The following ARHGEF3 variants were observed in gnomAD, a reference collection of about 807,000 sequenced individuals.
The protein encoded by ARHGEF3 is Rho guanine nucleotide exchange factor 3.
In ARHGEF3, 28 loss-of-function variants were observed where a neutral mutation model predicts 63.2. The observed-to-expected ratio is 0.44, with a 90% CI of 0.33 to 0.61. ARHGEF3 has a LOEUF of 0.61. ARHGEF3 is among the 20% of genes least tolerant of loss of function. The probability of loss-of-function intolerance (pLI) is 0.03; values close to 1 mark genes in which losing one functional copy is unlikely to be tolerated. For synonymous variants in ARHGEF3, 266 were observed against 254.2 expected (o/e 1.05, Z -0.44); for missense variants, 533 against 659.3 (o/e 0.81, Z 2.10).
At chr3:56,973,109 C>T (rs1306757062) in intron 2 of ARHGEF3, among the ~76,000 whole-genome samples, 3 of 151,788 alleles carry the variant, frequency 2.0e-5, no homozygotes, top group African/African-American at 4.8e-5. Flanking sequence ...CTCCGCCTCC[C>T]GGGTTCACAC....
Position 56,745,184 on chromosome 3 carries a change from GA to G in ARHGEF3, c.870+20del. The G allele has an allele frequency of 1.9e-6, 3 of 1,606,386 alleles. No homozygotes were observed. The highest frequency in any genetic ancestry group is 2.6e-6 in the Non-Finnish European group (3 of 1,175,152). ...ATGGTGGAAATAACAAGAAGAGAGAGAAGGAAACAGACAAACTTACAGCTTC... is the reference window on the plus strand; with the variant it reads ...ATGGTGGAAATAACAAGAAGAGAGAGAGGAAACAGACAAACTTACAGCTTC... On this transcript the variant is annotated intron_variant, in intron 7 of 9. Coordinates refer to ENST00000296315, the MANE Select transcript of ARHGEF3 (RefSeq NM_019555.3).
intron 4 of ARHGEF3, among the ~76,000 whole-genome samples, chr3:56,842,616 C>T (rs931243180): frequency 5.9e-5 from 9 of 152,286 alleles, no homozygotes; most frequent in South Asian, 2.1e-4. Context: ...TTTTCCCCTG[C>T]CCCCTACAAT....
At chr3:56,928,769 G>A (rs1411425498) in intron 3 of ARHGEF3, among the ~76,000 whole-genome samples, 1 of 152,194 alleles carries the variant, frequency 6.6e-6, no homozygotes, top group African/African-American at 2.4e-5. Context: ...CCAGGGTTGA[G>A]TGGGATTTAA....
chr3:57,000,310 C>CCACACACACACACACACACACACA (rs71076009), intron 2 of ARHGEF3, among the ~76,000 whole-genome samples: 1 of 139,164 alleles, frequency 7.2e-6, no homozygotes, highest in Non-Finnish European at 1.6e-5. Flanking sequence ...AGGGTAACTC[C>CCACACACACACACACACACACACA]CACACACACA....
chr3:56,892,032 C>T (rs1468279727), intron 3 of ARHGEF3, among the ~76,000 whole-genome samples: 1 of 152,138 alleles, frequency 6.6e-6, no homozygotes, highest in Admixed American at 6.6e-5. Context: ...GAAGACATGT[C>T]CAACCAAACA....
At chr3:56,813,025 G>T (rs1019126780) in intron 4 of ARHGEF3, among the ~76,000 whole-genome samples, 19 of 152,198 alleles carry the variant, frequency 1.2e-4, no homozygotes, top group Admixed American at 5.2e-4. Flanking sequence ...ACCCAGTGCT[G>T]CCTGCAGGCT....
intron 6 of ARHGEF3, among the ~76,000 whole-genome samples, chr3:56,747,733 A>G (rs1301056683): frequency 1.3e-5 from 2 of 152,200 alleles, no homozygotes; most frequent in Non-Finnish European, 2.9e-5. Context: ...CTGAGTCACA[A>G]GAATCGCTTG....
intron 4 of ARHGEF3, among the ~76,000 whole-genome samples, chr3:56,812,850 C>T (rs2038119375): frequency 6.6e-6 from 1 of 152,238 alleles, no homozygotes; most frequent in Admixed American, 6.5e-5. Flanking sequence ...TTCTCCCCTC[C>T]TAGAGCCTTA....
intron 3 of ARHGEF3, among the ~76,000 whole-genome samples, chr3:56,908,486 C>T (rs1424543771): frequency 6.6e-6 from 1 of 152,164 alleles, no homozygotes; most frequent in East Asian, 1.9e-4. Context: ...AAGCACTTTG[C>T]CCTAAGGGGC....
At position 56,753,578 on chromosome 3, in the gene ARHGEF3, G is replaced by A; in HGVS notation, c.376-12C>T. The A allele has an allele frequency of 6.2e-7, 1 of 1,611,996 alleles. No individual in the cohort carries two copies. Among genetic ancestry groups the A allele is most frequent in the Non-Finnish European group, 8.5e-7 (1 of 1,178,872 alleles). On this transcript the variant is annotated splice_polypyrimidine_tract_variant and intron_variant, in intron 3 of 9. Transcript: ENST00000296315. ...AGCTCAAAGATCGCCTGCAAGGAAA[G>A]ATAAACATATTCACTGAATTCTCCC...
intron 3 of ARHGEF3, among the ~76,000 whole-genome samples, chr3:56,900,986 T>G (rs2041485252): frequency 6.6e-6 from 1 of 152,212 alleles, no homozygotes; most frequent in African/African-American, 2.4e-5. Flanking sequence ...TATGCATTTA[T>G]GACATTATGT....
chr3:56,996,073 T>C (rs1329348272), intron 2 of ARHGEF3, among the ~76,000 whole-genome samples: 1 of 152,110 alleles, frequency 6.6e-6, no homozygotes, highest in Non-Finnish European at 1.5e-5. Flanking sequence ...ACAGCCCCCA[T>C]GAGATTGCCT....
intron 3 of ARHGEF3, among the ~76,000 whole-genome samples, chr3:56,933,685 T>C (rs1353248053): frequency 2.6e-5 from 4 of 152,194 alleles, no homozygotes; most frequent in Admixed American, 6.5e-5. Context: ...CCTCCTAAAT[T>C]GCTAGATTAC....
rs539945617 is a variant in ARHGEF3, at chr3:56,747,452, A to G, written c.613-1990T>C. Among the ~76,000 whole-genome samples, 5 of 152,310 alleles carry G rather than the reference A, an allele frequency of 3.3e-5. No homozygotes were observed. The East Asian group carries it at 9.7e-4, about 29-fold the overall frequency. ...CAGTCACCGGCTAGGAGAGGCCCCA[A>G]GTGATCTTTAACTACACAGGGTGAA... On this transcript the variant is annotated intron_variant, in intron 6 of 9. Transcript: ENST00000296315.
intron 3 of ARHGEF3, among the ~76,000 whole-genome samples, chr3:56,913,481 C>T (rs999488872): frequency 1.3e-5 from 2 of 151,952 alleles, no homozygotes; most frequent in African/African-American, 4.8e-5. Flanking sequence ...ATTAGAATGG[C>T]TACTATTGAA....
chr3:56,789,018 A>AGATGCTGCT (rs1559940698), intron 1 of ARHGEF3, among the ~76,000 whole-genome samples: 1 of 143,582 alleles, frequency 7.0e-6, no homozygotes, highest in Non-Finnish European at 1.5e-5. Flanking sequence ...CGTTCAAGAT[A>AGATGCTGCT]GATGCTGCTG....
intron 7 of ARHGEF3, among the ~76,000 whole-genome samples, chr3:56,738,768 A>G (rs1490065520): frequency 4.6e-5 from 7 of 152,100 alleles, no homozygotes; most frequent in Non-Finnish European, 5.9e-5. Flanking sequence ...GCTAGCAAAC[A>G]AAGGGATGAG....
intron 1 of ARHGEF3, among the ~76,000 whole-genome samples, chr3:57,040,889 C>T (rs1417254193): frequency 1.3e-5 from 1 of 75,680 alleles, no homozygotes; most frequent in Admixed American, 1.6e-4. Flanking sequence ...CCTGCTGCTG[C>T]ACAGTGCCCT....
chr3:56,937,844 T>C (rs1186773845), intron 3 of ARHGEF3, among the ~76,000 whole-genome samples: 2 of 152,232 alleles, frequency 1.3e-5, no homozygotes, highest in Non-Finnish European at 2.9e-5. Context: ...CTCTTTTTAA[T>C]GAAGTGGTTT....
Sources: gnomAD v4.1 joint callset for allele counts (sites outside exome capture counted in the v4.1 genomes callset) on GRCh38, gnomAD v4.1.1 for gene constraint, MANE v1.5 for transcripts, NCBI Gene and HGNC (gene_info 2026-07-23, HGNC 2026-07-21) for gene names.